Variants in SMG1 observed in about 807,000 individuals in gnomAD.
The protein encoded by SMG1 is SMG1 nonsense mediated mRNA decay associated PI3K related kinase, also known as serine/threonine-protein kinase SMG1.
A neutral mutation model predicts 419.9 loss-of-function variants in SMG1; 22 were observed. That is an observed-to-expected ratio of 0.05 (90% CI 0.04 to 0.07). The LOEUF is 0.07. SMG1 is among the 10% of genes least tolerant of loss of function. The probability of loss-of-function intolerance (pLI) is 1.00; values close to 1 mark genes in which losing one functional copy is unlikely to be tolerated. For missense variants in SMG1, 3,185 were observed against 4,342.0 expected (o/e 0.73, Z 7.49); for synonymous variants, 1,538 against 1,553.5 (o/e 0.99, Z 0.23).
intron 1 of SMG1, among the ~76,000 whole-genome samples, chr16:18,907,034 A>G (rs1195591804): frequency 6.6e-6 from 1 of 152,184 alleles, no homozygotes; most frequent in East Asian, 1.9e-4. Flanking sequence ...CTGTAATCCC[A>G]GCACTTTGGG....
rs770619380 is a variant in SMG1 at position 18,858,218 on chromosome 16, C to T, written c.4186G>A (p.Ala1396Thr). The change falls in exon 29 of 63, where the codon GCA becomes ACA. Residue 1396 changes from alanine to threonine, a missense_variant. This residue lies in a region of SMG1 where 493 missense variants were observed against 552.9 expected (regional missense o/e 0.89). Coordinates refer to ENST00000446231, the MANE Select transcript of SMG1 (RefSeq NM_015092.5). The part of the protein sequence containing the change: ...KQHDVRPWMQ[A>T]LRYTMYQNQL... ...TTCTGGTACATAGTATACCTTAATG[C>T]CTGCATCCATGGCCTCACGTCATGC... 1.0e-5 allele frequency: 16 copies of T among 1,604,146 alleles called. No individual in the cohort carries two copies. Among genetic ancestry groups the T allele is most frequent in the Non-Finnish European group, 1.1e-5 (13 of 1,174,920 alleles).
In SMG1 at chr16:18,885,109, C is replaced by T. The variant is rs1173706185; in HGVS notation, c.1002G>A (p.Ser334=). The T allele has an allele frequency of 5.0e-6, 5 of 1,008,620 alleles. No individual in the cohort carries two copies. Among genetic ancestry groups the T allele is most frequent in the East Asian group, 2.5e-5 (1 of 40,700 alleles). The allele number at this position is 1,008,620 out of a possible 1,614,324, so 62.5% of individuals were successfully genotyped here. The part of the protein sequence containing the change: ...GWHIDHTQKP[S]LTQQVSGWLQ... ...ACTTACCAGATACCTGCTGCGTGAG[C>T]GAAGGTTTCTGAGTATGATCTATAT... The change falls in exon 8 of 63, where the codon TCG becomes TCA. Residue 334 remains serine (S), a synonymous_variant. Transcript: ENST00000446231.
At chr16:18,891,073 G>T (rs530673577) in intron 4 of SMG1, among the ~76,000 whole-genome samples, 152 bp from the exon 5 acceptor site, 3 of 152,228 alleles carry the variant, frequency 2.0e-5, no homozygotes, top group South Asian at 2.1e-4. Flanking sequence ...CATGTATCAG[G>T]AATGTCATGT....
chr16:18,888,272 C>T (rs2036725693), intron 6 of SMG1, among the ~76,000 whole-genome samples: 1 of 149,792 alleles, frequency 6.7e-6, no homozygotes. Context: ...TTATCTTATA[C>T]CATTTGGAAT....
At chr16:18,925,716 A>G in intron 1 of SMG1, 1 of 174,456 alleles carries the variant, frequency 5.7e-6, no homozygotes, top group Non-Finnish European at 1.1e-5. Context: ...CACCGCCGGG[A>G]GCCCCGGGTC....
At chr16:18,862,638 C>A (rs1259713007) in intron 25 of SMG1, among the ~76,000 whole-genome samples, 1 of 152,150 alleles carries the variant, frequency 6.6e-6, no homozygotes, top group Admixed American at 6.5e-5. Context: ...GGTCTCCATG[C>A]TTCCATACTT....
In SMG1 at chr16:18,852,078, C is replaced by T. The variant is rs62046311; in HGVS notation, c.5041G>A (p.Ala1681Thr). 8.1e-6 allele frequency: 13 copies of T among 1,608,308 alleles called. No individual in the cohort carries two copies. In the Admixed American group the frequency reaches 2.2e-4, roughly 27 times the overall value. Residue 1681 changes from alanine to threonine, a missense_variant, in exon 33 of 63, where the codon GCG becomes ACG. By Grantham distance (58) the Ala-to-Thr change is moderately conservative (BLOSUM62 0). This residue lies in a region of SMG1 where 493 missense variants were observed against 552.9 expected (regional missense o/e 0.89). Transcript: ENST00000446231. ...GILGQAVCRP[A>T]GIQDEDITLQ... is the part of the protein sequence containing the mutation. ...CATGTTTTCCTTGCCTGAATCCCCG[C>T]CGGCCGACACACAGCCTGTCCAAGA...
intron 13 of SMG1, among the ~76,000 whole-genome samples, chr16:18,874,762 A>G (rs1596568780): frequency 7.1e-6 from 1 of 140,724 alleles, no homozygotes; most frequent in Non-Finnish European, 1.5e-5. Context: ...GCTGCTCGGG[A>G]GGCTGAGGCA....
At chr16:18,891,802 A>C (rs2141817562) in intron 4 of SMG1, among the ~76,000 whole-genome samples, 1 of 152,252 alleles carries the variant, frequency 6.6e-6, no homozygotes, top group South Asian at 2.1e-4. Flanking sequence ...ACTTTGTTAC[A>C]TTTCTGTTGT....
intron 13 of SMG1, chr16:18,875,854 TAGG>T: frequency 3.9e-6 from 2 of 517,146 alleles, no homozygotes; most frequent in East Asian, 3.2e-5. Context: ...CTAGAGCAAA[TAGG>T]AGAAATTCAT....
At chr16:18,896,497 G>C (rs1033775065) in intron 2 of SMG1, among the ~76,000 whole-genome samples, 10 of 152,208 alleles carry the variant, frequency 6.6e-5, no homozygotes, top group African/African-American at 2.4e-4. Context: ...TTTAGAGATA[G>C]TAGCCAAGAG....
At position 18,829,331 on chromosome 16, in the gene SMG1, A is replaced by G. The variant is rs1426255819; in HGVS notation, c.9558T>C (p.Cys3186=). Reference sequence around the variant, plus strand: ...GCTGAACCCGCTGCAGGCTTGTCTTACAAGAAGAAATACTGGTTTCTAGCC... The same window carrying G: ...GCTGAACCCGCTGCAGGCTTGTCTTGCAAGAAGAAATACTGGTTTCTAGCC... ...VRRLETSISS[C]KTSLQRVQLH... is the part of the protein sequence containing the mutation. Residue 3186 remains cysteine, a synonymous_variant, in exon 54 of 63, where the codon TGT becomes TGC. Coordinates refer to ENST00000446231, the MANE Select transcript of SMG1 (RefSeq NM_015092.5). The G allele has an allele frequency of 1.2e-6, 2 of 1,613,872 alleles. No individual in the cohort carries two copies. The highest frequency in any genetic ancestry group is 2.7e-5 in the African/African-American group (2 of 74,946).
At chr16:18,845,379 T>C (rs1034097314) in intron 39 of SMG1, 50 bp downstream of exon 39, 3 of 1,494,748 alleles carry the variant, frequency 2.0e-6, no homozygotes, top group Non-Finnish European at 1.8e-6. Flanking sequence ...TCGTATCTCA[T>C]GGGAACTGTG....
chr16:18,819,407 T>C (rs1253552299), intron 56 of SMG1, 95 bp downstream of exon 56: 9 of 1,380,490 alleles, frequency 6.5e-6, no homozygotes, highest in Non-Finnish European at 8.9e-6. Context: ...GAACGTGGGC[T>C]CTCAAGCTCC....
chr16:18,814,987 A>T (rs2031864422), intron 60 of SMG1, among the ~76,000 whole-genome samples, 188 bp downstream of exon 60: 1 of 150,662 alleles, frequency 6.6e-6, no homozygotes, highest in African/African-American at 2.4e-5. Context: ...CAAGTAGCTG[A>T]GATTACAGGT....
At chr16:18,895,052 C>T (rs1233024292) in intron 3 of SMG1, among the ~76,000 whole-genome samples, 3 of 152,138 alleles carry the variant, frequency 2.0e-5, no homozygotes, top group African/African-American at 7.2e-5. Context: ...CTCCTGACCT[C>T]GTGATCCGCC....
intron 1 of SMG1, among the ~76,000 whole-genome samples, chr16:18,898,183 C>T (rs1448499389): frequency 1.3e-5 from 2 of 152,170 alleles, no homozygotes; most frequent in Non-Finnish European, 2.9e-5. Context: ...GCACTTACTG[C>T]AATCACTGTT....
intron 46 of SMG1, among the ~76,000 whole-genome samples, chr16:18,836,930 T>C (rs1227946350): frequency 9.2e-5 from 14 of 152,170 alleles, no homozygotes; most frequent in Admixed American, 5.9e-4. Context: ...GTAGCTGCCA[T>C]TGTACAAATG....
At chr16:18,848,808 C>T (rs1567362098) in intron 36 of SMG1, among the ~76,000 whole-genome samples, 2 of 151,854 alleles carry the variant, frequency 1.3e-5, no homozygotes, top group African/African-American at 4.8e-5. Flanking sequence ...CACGGTGGCT[C>T]ATACCTGTAA....
Sources: gnomAD v4.1 joint callset for allele counts (sites outside exome capture counted in the v4.1 genomes callset) on GRCh38, gnomAD v4.1.1 for gene constraint, gnomAD v4.1.1 regional missense constraint, MANE v1.5 for transcripts, NCBI Gene and HGNC (gene_info 2026-07-23, HGNC 2026-07-21) for gene names.